Variants in ATP2C1 observed in about 807,000 individuals in gnomAD.
ATP2C1 encodes calcium-transporting ATPase type 2C member 1.
A neutral mutation model predicts 120.5 loss-of-function variants in ATP2C1; 31 were observed. The ratio of observed to expected loss-of-function variants is 0.26; its 90% CI spans 0.19 to 0.35. The LOEUF (loss-of-function observed/expected upper bound fraction) is 0.35. Ranked by LOEUF, ATP2C1 falls within the 10% of genes least tolerant of loss-of-function variation. The probability of loss-of-function intolerance (pLI) is 1.00; values close to 1 mark genes in which losing one functional copy is unlikely to be tolerated. For synonymous variants in ATP2C1, 351 were observed against 358.7 expected (o/e 0.98, Z 0.24); for missense variants, 731 against 1,107.5 (o/e 0.66, Z 4.83).
At position 130,940,843 on chromosome 3, in the gene ATP2C1, CAAAACTGTACCATTGAAAACTTT is replaced by C; in HGVS notation, c.422+157_422+179del. ...AAAGTTCCTGGTCTCATTAATGTAG[CAAAACTGTACCATTGAAAACTTT>C]AAAATCCGAGATTCTAGAGACATGG... is the stretch of plus-strand genomic sequence containing the variant. On this transcript the variant is annotated intron_variant, in intron 7 of 27. Coordinates refer to ENST00000510168, the MANE Select transcript of ATP2C1 (RefSeq NM_001378687.1). 3 of 581,156 alleles carry C rather than the reference CAAAACTGTACCATTGAAAACTTT, an allele frequency of 5.2e-6. No individual in the cohort carries two copies. The East Asian group carries it at 9.7e-5, about 19-fold the overall frequency. 36.0% of individuals were successfully genotyped at this position (581,156 alleles called of 1,614,324 possible). A position where few individuals can be genotyped will look rare whatever the true frequency, so the allele number is the denominator to read the frequency against.
Position 130,894,281 on chromosome 3 carries a change from C to T in ATP2C1, c.-237C>T. On this transcript the variant is annotated 5_prime_UTR_variant, in exon 1 of 28. Transcript: ENST00000510168. The surrounding 1 kb of genome is among the most constrained non-coding windows in gnomAD (Gnocchi z 4.5). ...TTCTCCCGAGGCGCGCGGGGCGCCCCCGCGAGCCCCGCGGCTGAGACCCCG... is the reference window on the plus strand; with the variant it reads ...TTCTCCCGAGGCGCGCGGGGCGCCCTCGCGAGCCCCGCGGCTGAGACCCCG... The T allele has an allele frequency of 1.2e-5, 12 of 986,190 alleles. No individual in the cohort carries two copies. The highest frequency in any genetic ancestry group is 1.4e-5 in the Non-Finnish European group (12 of 830,470). 61.1% of individuals were successfully genotyped at this position (986,190 alleles called of 1,614,324 possible). A position where few individuals can be genotyped will look rare whatever the true frequency, so the allele number is the denominator to read the frequency against.
intron 11 of ATP2C1, among the ~76,000 whole-genome samples, chr3:130,956,814 C>T (rs1007259270): frequency 1.3e-5 from 2 of 152,006 alleles, no homozygotes; most frequent in Non-Finnish European, 2.9e-5. Flanking sequence ...TTAGGGAAAC[C>T]GAATGCTTTG....
chr3:130,871,015 C>T (rs1030002789), intron 1 of ATP2C1, among the ~76,000 whole-genome samples: 1 of 152,192 alleles, frequency 6.6e-6, no homozygotes, highest in African/African-American at 2.4e-5. Flanking sequence ...AGGCGAGATC[C>T]CCTACCAGCC....
rs150919204 is a variant in ATP2C1 at position 130,853,728 on chromosome 3, T to C, written c.108+2800T>C. On this transcript the variant is annotated intron_variant, in intron 1 of 26. Coordinates refer to the ATP2C1 transcript ENST00000504381. ...GACACAGCCCTTACTACATTCTATG[T>C]AGTAAATCATGTGATTTCATGTCGA... Among the ~76,000 whole-genome samples the C allele has an allele frequency of 3.6e-3, 555 of 152,322 alleles. 3 individuals carry two copies. Among genetic ancestry groups the C allele is most frequent in the Non-Finnish European group, 6.2e-3 (425 of 68,014 alleles).
intron 17 of ATP2C1, among the ~76,000 whole-genome samples, chr3:130,974,549 G>A (rs777927844): frequency 7.9e-5 from 12 of 152,182 alleles, no homozygotes; most frequent in African/African-American, 1.4e-4. Context: ...GGAGAACTGG[G>A]ATATTTGTGA....
In ATP2C1 at chr3:130,980,622, C is replaced by T. The variant is rs773437431; in HGVS notation, c.1782C>T (p.Val594=). The T allele has an allele frequency of 2.5e-6, 4 of 1,613,332 alleles. No homozygotes were observed. The South Asian group carries it at 4.4e-5, about 18-fold the overall frequency. Residue 594 remains valine (V), a synonymous_variant, in exon 20 of 28, where the codon GTC becomes GTT. Transcript: ENST00000510168. ...TGTATTCCAAAACTTCCCAGTCAGT[C>T]TCAGGAGAAGAAATAGATGCAATGG... The part of the protein sequence containing the change: ...LGLYSKTSQS[V]SGEEIDAMDV...
At chr3:130,992,632 C>T (rs886672522) in intron 20 of ATP2C1, among the ~76,000 whole-genome samples, 3 of 152,118 alleles carry the variant, frequency 2.0e-5, no homozygotes, top group East Asian at 3.9e-4. Context: ...AGGAAACAGA[C>T]GCAAGAGAAT....
intron 20 of ATP2C1, among the ~76,000 whole-genome samples, chr3:130,988,088 A>G (rs1187777473): frequency 2.6e-5 from 4 of 152,082 alleles, no homozygotes; most frequent in Admixed American, 1.3e-4. Context: ...TATTATCACA[A>G]TTCATATAGT....
At chr3:130,891,825 ATGTG>A (rs953252025), upstream of ATP2C1, among the ~76,000 whole-genome samples, 1 of 152,192 alleles carries the variant, frequency 6.6e-6, no homozygotes, top group Admixed American at 6.5e-5. Context: ...ACATATACAT[ATGTG>A]TGTGTATGAC....
chr3:130,912,168 T>C (rs1156552123), intron 2 of ATP2C1, among the ~76,000 whole-genome samples: 1 of 120,132 alleles, frequency 8.3e-6, no homozygotes, highest in South Asian at 3.2e-4. Flanking sequence ...AACCTAGGCA[T>C]TACCATTCAG....
intron 22 of ATP2C1, 118 bp from the exon 23 acceptor site, chr3:130,995,925 A>G: frequency 2.7e-6 from 2 of 750,984 alleles, no homozygotes; most frequent in East Asian, 2.6e-5. Context: ...GATTACAGGC[A>G]TGAGCCACAG....
intron 8 of ATP2C1, among the ~76,000 whole-genome samples, chr3:130,945,340 ATTTTAT>A (rs779915015): frequency 3.3e-5 from 5 of 152,012 alleles, no homozygotes; most frequent in African/African-American, 1.2e-4. Context: ...ATAACAGTAC[ATTTTAT>A]TTTTATTTTT....
chr3:130,947,114 A>G (rs1489404880), intron 8 of ATP2C1, among the ~76,000 whole-genome samples: 2 of 152,224 alleles, frequency 1.3e-5, no homozygotes, highest in Admixed American at 6.5e-5. Flanking sequence ...GAGTTGCCCT[A>G]GAGCAATGCA....
chr3:130,963,992 T>G lies in ATP2C1; in HGVS notation c.921T>G (p.Pro307=). The G allele has an allele frequency of 2.5e-6, 4 of 1,612,844 alleles. No individual in the cohort carries two copies. In the South Asian group the frequency reaches 4.4e-5, roughly 18 times the overall value. The stretch of plus-strand genomic sequence containing the variant: ...ATAGTTTGGCTGTAGCAGCAATTCC[T>G]GAAGGTCTCCCCATTGTGGTCACAG... ...ISVSLAVAAI[P]EGLPIVVTVT... is the part of the protein sequence containing the mutation. The change falls in exon 13 of 28, where the codon CCT becomes CCG. Residue 307 remains proline (P), a synonymous_variant. Coordinates refer to ENST00000510168, the MANE Select transcript of ATP2C1 (RefSeq NM_001378687.1).
At position 130,940,700 on chromosome 3, in the gene ATP2C1, C is replaced by CT. The variant is rs765847983; in HGVS notation, c.422+16dup. 32 of 1,604,780 alleles carry CT rather than the reference C, an allele frequency of 2.0e-5. No homozygotes were observed. The African/African-American group carries it at 2.5e-4, about 13-fold the overall frequency. On this transcript the variant is annotated intron_variant, in intron 7 of 27. Coordinates refer to ENST00000510168, the MANE Select transcript of ATP2C1 (RefSeq NM_001378687.1). ...CCACCAGAATGCCATTGGTATGATCCTTTTTTTGGTATGGATTTCTGCCCC... is the reference window on the plus strand; with the variant it reads ...CCACCAGAATGCCATTGGTATGATCCTTTTTTTTGGTATGGATTTCTGCCCC...
chr3:130,879,234 G>A (rs1290479260), intron 1 of ATP2C1, among the ~76,000 whole-genome samples: 1 of 151,914 alleles, frequency 6.6e-6, no homozygotes, highest in Non-Finnish European at 1.5e-5. Context: ...GCTAATTTTT[G>A]TATTTTTATT....
At chr3:130,985,370 CA>C in intron 20 of ATP2C1, among the ~76,000 whole-genome samples, 1 of 152,258 alleles carries the variant, frequency 6.6e-6, no homozygotes, top group Admixed American at 6.5e-5. Context: ...TGGTGGCTCA[CA>C]GCTGTAATCC....
chr3:130,957,613 C>T (rs974374103), intron 11 of ATP2C1, among the ~76,000 whole-genome samples: 1 of 152,122 alleles, frequency 6.6e-6, no homozygotes, highest in Admixed American at 6.5e-5. Context: ...ATGGCGCAAT[C>T]CCGGCTGACT....
Position 131,001,245 on chromosome 3 carries a change from C to T in ATP2C1, c.2655C>T (p.Thr885=), listed in dbSNP as rs762691859. 6 of 1,613,654 alleles carry T rather than the reference C, an allele frequency of 3.7e-6. No individual in the cohort carries two copies. In the South Asian group the frequency reaches 5.5e-5, roughly 15 times the overall value. Residue 885 remains threonine, a synonymous_variant, in exon 28 of 28, where the codon ACC becomes ACT. Transcript: ENST00000510168. The part of the protein sequence containing the change: ...ILDLLFLLGL[T]SSVCIVAEII... ...ATCTGTTGTTTCTTTTGGGTCTCAC[C>T]TCATCAGTGTGCATAGTGGCAGAAA...
Sources: allele counts gnomAD v4.1 joint callset (sites outside exome capture counted in the v4.1 genomes callset), GRCh38; gene constraint gnomAD v4.1.1; non-coding constraint Gnocchi (gnomAD v3.1); transcripts MANE v1.5; gene names NCBI Gene and HGNC (gene_info 2026-07-23, HGNC 2026-07-21).